Variants in PCLO observed in about 807,000 individuals in gnomAD.
PCLO encodes piccolo presynaptic cytomatrix protein.
PCLO carries 82 observed loss-of-function variants against 427.5 expected under a neutral mutation model. The observed-to-expected ratio is 0.19, with a 90% CI of 0.16 to 0.23. The LOEUF (loss-of-function observed/expected upper bound fraction) is 0.23, where lower values mean the gene tolerates loss of function less well. Ranked by LOEUF, PCLO falls within the 10% of genes least tolerant of loss-of-function variation. PCLO has a pLI of 1.00. For synonymous variants in PCLO, 2,357 were observed against 2,155.4 expected (o/e 1.09, Z -2.59); for missense variants, 6,239 against 6,115.9 (o/e 1.02, Z -0.67).
chr7:83,085,645 G>A (rs533917700), intron 3 of PCLO, among the ~76,000 whole-genome samples: 22 of 152,230 alleles, frequency 1.4e-4, no homozygotes, highest in Admixed American at 2.0e-4. Flanking sequence ...CTATCATGCC[G>A]TTGGGTCTAA....
rs765474153 is a variant in PCLO at position 82,953,728 on chromosome 7, G to A, written c.7225C>T (p.Pro2409Ser). Residue 2409 changes from proline (P) to serine (S), a missense_variant, in exon 5 of 25, where the codon CCT becomes TCT. This residue lies in a region of PCLO where 4,677 missense variants were observed against 4,468.4 expected (regional missense o/e 1.05). Coordinates refer to ENST00000333891, the MANE Select transcript of PCLO (RefSeq NM_033026.6). ...GGAGGAGGAGGAGGGGGAGGGGGAG[G>A]AGGGGGAGGAGGTTGAGCTGATATA... The part of the protein sequence containing the change: ...LDISAQPPPP[P>S]PPPPPPPPPP... 7.1e-5 allele frequency: 71 copies of A among 994,998 alleles called. No homozygotes were observed. The highest frequency in any genetic ancestry group is 5.6e-6 in the Non-Finnish European group (4 of 712,408). 61.6% of individuals were successfully genotyped at this position (994,998 alleles called of 1,614,324 possible). A position where few individuals can be genotyped will look rare whatever the true frequency, so the allele number is the denominator to read the frequency against.
chr7:83,058,465 A>G lies in PCLO; in HGVS notation c.3300+75785T>C, dbSNP rs570765026. Among the ~76,000 whole-genome samples, 361 of 152,338 alleles carry G rather than the reference A, an allele frequency of 2.4e-3. 3 individuals are homozygous for G. Among genetic ancestry groups the G allele is most frequent in the Non-Finnish European group, 2.9e-3 (198 of 68,032 alleles). On this transcript the variant is annotated intron_variant, in intron 3 of 24. Coordinates refer to ENST00000333891, the MANE Select transcript of PCLO (RefSeq NM_033026.6). ...CTTCTCTAACATACAGTCTGACATC[A>G]ATATAACATTAAACTATAGACAACA...
At chr7:83,018,142 T>A in intron 3 of PCLO, 1 of 152,002 alleles carries the variant, frequency 6.6e-6, no homozygotes, top group East Asian at 1.9e-4. Flanking sequence ...AAACCTAAAT[T>A]GGAACCAAAT....
intron 6 of PCLO, among the ~76,000 whole-genome samples, chr7:82,940,474 T>C (rs1795055623): frequency 6.6e-6 from 1 of 152,184 alleles, no homozygotes; most frequent in Non-Finnish European, 1.5e-5. Flanking sequence ...ATTCATGTAG[T>C]TAAAATGATA....
At position 82,950,545 on chromosome 7, in the gene PCLO, T is replaced by A; in HGVS notation, c.10043A>T (p.Gln3348Leu). The change falls in exon 6 of 25, where the codon CAA becomes CTA. Residue 3348 changes from glutamine (Q) to leucine (L), a missense_variant. By Grantham distance (113) the Gln-to-Leu change is moderately radical (BLOSUM62 -2). This residue lies in a region of PCLO where 4,677 missense variants were observed against 4,468.4 expected (regional missense o/e 1.05). Coordinates refer to ENST00000333891, the MANE Select transcript of PCLO (RefSeq NM_033026.6). ...GGTTGCATCTTCAGTTGCCCAAAAT[T>A]GACTGCCTTCCAGAGCAGCATACTG... ...EGQYAALEGS[Q>L]FWATEDATTT... The A allele has an allele frequency of 6.2e-7, 1 of 1,613,856 alleles. No individual in the cohort carries two copies.
In PCLO at chr7:82,822,602, G is replaced by C. The variant is rs992283449; in HGVS notation, c.14684C>G (p.Pro4895Arg). 1.2e-6 allele frequency: 2 copies of C among 1,613,690 alleles called. No homozygotes were observed. Among genetic ancestry groups the C allele is most frequent in the African/African-American group, 1.3e-5 (1 of 74,978 alleles). Residue 4895 changes from proline to arginine, a missense_variant, in exon 20 of 25, where the codon CCA becomes CGA. Around this residue, in one of 5 missense-constraint regions of PCLO, gnomAD observed 877 missense variants for 925.5 expected, o/e 0.95. Coordinates refer to ENST00000333891, the MANE Select transcript of PCLO (RefSeq NM_033026.6). ...SSEGHLRSHG[P>R]SRSQSKTSVT... Reference sequence around the variant, plus strand: ...GCTGGTTTTGCTTTGACTGCGAGATGGTCCATGAGAACGGAGATGGCCTTC... The same window carrying C: ...GCTGGTTTTGCTTTGACTGCGAGATCGTCCATGAGAACGGAGATGGCCTTC...
chr7:82,884,973 A>G (rs1793596415), intron 9 of PCLO, among the ~76,000 whole-genome samples: 1 of 152,314 alleles, frequency 6.6e-6, no homozygotes, highest in African/African-American at 2.4e-5. Flanking sequence ...ATTCAAAATT[A>G]AATATAGTGT....
At chr7:82,995,832 G>A (rs1004763632) in intron 3 of PCLO, among the ~76,000 whole-genome samples, 4 of 151,684 alleles carry the variant, frequency 2.6e-5, no homozygotes, top group South Asian at 2.1e-4. Context: ...ATCCATGCAC[G>A]GTATATAGTA....
chr7:82,817,902 T>C lies in PCLO; in HGVS notation c.14791+4593A>G, dbSNP rs182058146. The stretch of plus-strand genomic sequence containing the variant: ...AAAACTCATACCTAAAATCTTAGTA[T>C]CAAACAAAAATAGCTCAGGTTTTTC... On this transcript the variant is annotated intron_variant, in intron 20 of 24. Transcript: ENST00000333891. Among the ~76,000 whole-genome samples, 6 of 152,266 alleles carry C rather than the reference T, an allele frequency of 3.9e-5. No homozygotes were observed. In the East Asian group the frequency reaches 1.2e-3, roughly 29 times the overall value.
At chr7:82,884,981 T>C (rs1308169761) in intron 9 of PCLO, among the ~76,000 whole-genome samples, 1 of 152,162 alleles carries the variant, frequency 6.6e-6, no homozygotes, top group African/African-American at 2.4e-5. Flanking sequence ...TTAAATATAG[T>C]GTCTTTTGTT....
rs755988018 is a variant in PCLO at position 83,162,447 on chromosome 7, C to T, written c.146G>A (p.Ser49Asn). ...AGMEADLSQL[S>N]EEERRQIAAV... ...GGCGATCTGTCTCCTCTCCTCTTCG[C>T]TCAGCTGGCTCAAATCCGCCTCCAT... The change falls in exon 1 of 25, where the codon AGC becomes AAC. Residue 49 changes from serine (S) to asparagine (N), a missense_variant. By Grantham distance (46) the Ser-to-Asn change is conservative (BLOSUM62 1). This residue lies in a region of PCLO where 4,677 missense variants were observed against 4,468.4 expected (regional missense o/e 1.05). Coordinates refer to ENST00000333891, the MANE Select transcript of PCLO (RefSeq NM_033026.6). 3.1e-6 allele frequency: 5 copies of T among 1,593,490 alleles called. No homozygotes were observed. In the South Asian group the frequency reaches 5.7e-5, roughly 18 times the overall value.
At chr7:82,994,116 A>G (rs916233440) in intron 3 of PCLO, among the ~76,000 whole-genome samples, 7 of 152,096 alleles carry the variant, frequency 4.6e-5, no homozygotes, top group African/African-American at 1.4e-4. Flanking sequence ...ACATGAAGCC[A>G]TAATTTTAGA....
At chr7:82,786,132 T>C (rs1790978614) in intron 22 of PCLO, among the ~76,000 whole-genome samples, 1 of 152,126 alleles carries the variant, frequency 6.6e-6, no homozygotes, top group Non-Finnish European at 1.5e-5. Context: ...AGTTAGGCAG[T>C]AGTTAGAATG....
At chr7:83,074,110 G>A (rs999729401) in intron 3 of PCLO, among the ~76,000 whole-genome samples, 1 of 151,862 alleles carries the variant, frequency 6.6e-6, no homozygotes, top group African/African-American at 2.4e-5. Flanking sequence ...AAACCATAAG[G>A]AATTTCAAGA....
At chr7:83,030,828 T>C (rs969323811) in intron 3 of PCLO, among the ~76,000 whole-genome samples, 11 of 152,168 alleles carry the variant, frequency 7.2e-5, no homozygotes, top group Admixed American at 5.9e-4. Flanking sequence ...GTCCTTACAA[T>C]GGCTGGGTTT....
At chr7:83,036,237 G>A (rs539876618) in intron 3 of PCLO, among the ~76,000 whole-genome samples, 6 of 152,156 alleles carry the variant, frequency 3.9e-5, no homozygotes, top group African/African-American at 1.4e-4. Flanking sequence ...TCACCTAGAA[G>A]GCTTGATAAA....
At chr7:82,759,131 A>G (rs1040850534) in intron 24 of PCLO, among the ~76,000 whole-genome samples, 1 of 151,944 alleles carries the variant, frequency 6.6e-6, no homozygotes, top group African/African-American at 2.4e-5. Flanking sequence ...ATATAACTTC[A>G]CAGAGCATTG....
chr7:83,108,309 A>G (rs1429748507), intron 3 of PCLO, among the ~76,000 whole-genome samples: 2 of 152,158 alleles, frequency 1.3e-5, no homozygotes, highest in Non-Finnish European at 2.9e-5. Context: ...TCACATTACA[A>G]TATTTTAACT....
At chr7:82,999,316 G>T (rs1357993735) in intron 3 of PCLO, among the ~76,000 whole-genome samples, 1 of 133,354 alleles carries the variant, frequency 7.5e-6, no homozygotes, top group African/African-American at 2.9e-5. Flanking sequence ...AAATATATAT[G>T]GATATGTAAT....
Sources: gnomAD v4.1 joint callset for allele counts (sites outside exome capture counted in the v4.1 genomes callset) on GRCh38, gnomAD v4.1.1 for gene constraint, gnomAD v4.1.1 regional missense constraint, MANE v1.5 for transcripts, NCBI Gene and HGNC (gene_info 2026-07-23, HGNC 2026-07-21) for gene names.